Variants in GRM5 observed in about 807,000 individuals in gnomAD.
GRM5 encodes the protein glutamate metabotropic receptor 5, also known as metabotropic glutamate receptor 5.
Under a neutral mutation model 83.1 loss-of-function variants are expected in GRM5, and 19 were observed. The ratio of observed to expected loss-of-function variants is 0.23; its 90% CI spans 0.16 to 0.34. GRM5 has a LOEUF of 0.34. GRM5 is among the 10% of genes least tolerant of loss of function. The probability of loss-of-function intolerance (pLI) is 1.00; values close to 1 mark genes in which losing one functional copy is unlikely to be tolerated. For synonymous variants in GRM5, 675 were observed against 633.6 expected, an observed-to-expected ratio of 1.07 and a Z score of -0.98; for missense variants, 1,160 against 1,588.3, an observed-to-expected ratio of 0.73 and a Z score of 4.58.
chr11:88,817,070 A>AGGGGG (rs1943706140), intron 3 of GRM5, among the ~76,000 whole-genome samples: 1 of 152,134 alleles, frequency 6.6e-6, no homozygotes, highest in Non-Finnish European at 1.5e-5. Context: ...GTTTATTTTA[A>AGGGGG]TAATTTGAGA....
intron 4 of GRM5, among the ~76,000 whole-genome samples, chr11:88,635,418 G>T (rs1227891201): frequency 6.6e-6 from 1 of 152,084 alleles, no homozygotes; most frequent in East Asian, 1.9e-4. Context: ...TTCTCTAATG[G>T]TTAGCAGTGT....
chr11:88,668,617 C>A (rs1424381449), intron 3 of GRM5, among the ~76,000 whole-genome samples: 1 of 151,984 alleles, frequency 6.6e-6, no homozygotes, highest in East Asian at 1.9e-4. Context: ...ATTTGGTATA[C>A]CCCAGGAATG....
rs1380382630 is a variant in GRM5, at chr11:88,653,461, C to A, written c.912-58G>T. On this transcript the variant is annotated intron_variant, in intron 3 of 9. Transcript: ENST00000305447. ...ACAGATATCTCCTAAGCAAATGAGT[C>A]CATTTGCTTTCCTTTTGACAAGATT... The A allele has an allele frequency of 7.9e-6, 9 of 1,139,672 alleles. No homozygotes were observed. In the East Asian group the frequency reaches 2.1e-4, roughly 27 times the overall value. 70.6% of individuals were successfully genotyped at this position (1,139,672 alleles called of 1,614,324 possible).
chr11:88,872,318 A>C (rs1200448301), intron 2 of GRM5, among the ~76,000 whole-genome samples: 1 of 151,610 alleles, frequency 6.6e-6, no homozygotes, highest in East Asian at 1.9e-4. Flanking sequence ...AAAAATTATA[A>C]TACAAAGAAG....
intron 9 of GRM5, among the ~76,000 whole-genome samples, chr11:88,520,704 T>C (rs1419597905): frequency 6.6e-6 from 1 of 152,122 alleles, no homozygotes; most frequent in Non-Finnish European, 1.5e-5. Flanking sequence ...GAGCTTTACC[T>C]GAAGGAAGAA....
chr11:88,640,594 C>T (rs577586877), intron 4 of GRM5, among the ~76,000 whole-genome samples: 1 of 152,272 alleles, frequency 6.6e-6, no homozygotes, highest in Non-Finnish European at 1.5e-5. Context: ...TCCCTCTTCC[C>T]ACCAGTAATA....
chr11:88,527,315 G>T (rs1941903675), intron 8 of GRM5, among the ~76,000 whole-genome samples: 1 of 152,126 alleles, frequency 6.6e-6, no homozygotes, highest in South Asian at 2.1e-4. Context: ...TCATAGATGA[G>T]TTAAGAAACC....
chr11:88,520,006 A>G (rs984126994), intron 9 of GRM5, among the ~76,000 whole-genome samples: 6 of 152,316 alleles, frequency 3.9e-5, no homozygotes, highest in Admixed American at 2.0e-4. Flanking sequence ...TAGTGCCAGA[A>G]CCAGATATTG....
In GRM5 at chr11:88,530,434, TA is replaced by T. The variant is rs530180209; in HGVS notation, c.2631-5031del. On this transcript the variant is annotated intron_variant, in intron 8 of 9. Coordinates refer to ENST00000305447, the MANE Select transcript of GRM5 (RefSeq NM_001143831.3). ...TGAAATAAGTTTTGCTTATCTTCTGTAAAGATTTTTGTTGTTGTTGTTCTTC... is the reference window on the plus strand; with the variant it reads ...TGAAATAAGTTTTGCTTATCTTCTGTAAGATTTTTGTTGTTGTTGTTCTTC... 2.2e-3 allele frequency among the ~76,000 whole-genome samples: 339 copies of T among 152,172 alleles called. 2 individuals carry two copies. Among genetic ancestry groups the T allele is most frequent in the Admixed American group, 5.0e-3 (76 of 15,268 alleles).
intron 3 of GRM5, among the ~76,000 whole-genome samples, chr11:88,700,602 A>T (rs10082579): frequency 0.57 from 85,899 of 151,972 alleles, 27,014 homozygotes; most frequent in South Asian, 0.8. Flanking sequence ...CCATGTGAAG[A>T]TTTACTGTTC....
chr11:88,712,809 A>G (rs554194235), intron 3 of GRM5, among the ~76,000 whole-genome samples: 118 of 152,212 alleles, frequency 7.8e-4, no homozygotes, highest in African/African-American at 2.8e-3. Context: ...CAGCAATGAC[A>G]TTAGAATCAG....
chr11:88,876,063 C>G (rs868187508), intron 2 of GRM5, among the ~76,000 whole-genome samples: 17 of 152,102 alleles, frequency 1.1e-4, no homozygotes, highest in African/African-American at 2.9e-4. Flanking sequence ...GCACTCACCT[C>G]TCCTCTCTAG....
intron 9 of GRM5, 35 bp from the exon 10 acceptor site, chr11:88,509,539 G>A (rs372092089): frequency 6.5e-7 from 1 of 1,546,588 alleles, no homozygotes; most frequent in Admixed American, 1.7e-5. Flanking sequence ...GTGACTCAGC[G>A]AGGTGCCCAG....
At chr11:88,743,790 C>T (rs1443891420) in intron 3 of GRM5, among the ~76,000 whole-genome samples, 1 of 152,074 alleles carries the variant, frequency 6.6e-6, no homozygotes. Flanking sequence ...TAGTCACTAA[C>T]CAAAAATGGC....
At chr11:88,590,072 GA>G (rs1041534010) in intron 7 of GRM5, among the ~76,000 whole-genome samples, 6 of 151,522 alleles carry the variant, frequency 4.0e-5, no homozygotes, top group Admixed American at 1.3e-4. Flanking sequence ...AAACAAAAAA[GA>G]AAAAAAATAA....
intron 3 of GRM5, among the ~76,000 whole-genome samples, chr11:88,808,528 G>A (rs1035114011): frequency 6.6e-6 from 1 of 151,928 alleles, no homozygotes; most frequent in African/African-American, 2.4e-5. Flanking sequence ...GCATGGATTT[G>A]TGAAAAACCA....
intron 3 of GRM5, among the ~76,000 whole-genome samples, chr11:88,766,517 A>G (rs1188486266): frequency 1.3e-5 from 2 of 151,358 alleles, no homozygotes; most frequent in Non-Finnish European, 2.9e-5. Flanking sequence ...GAAGATTGAA[A>G]CTAGAACCCT....
chr11:88,909,242 T>C (rs1945453750), intron 2 of GRM5, among the ~76,000 whole-genome samples: 1 of 152,106 alleles, frequency 6.6e-6, no homozygotes, highest in Non-Finnish European at 1.5e-5. Flanking sequence ...TGGGTTTCTC[T>C]AGCCAAACAA....
At chr11:88,986,396 T>C (rs1939711280) in intron 2 of GRM5, among the ~76,000 whole-genome samples, 1 of 152,192 alleles carries the variant, frequency 6.6e-6, no homozygotes, top group Admixed American at 6.5e-5. Flanking sequence ...GGTTTCCTAG[T>C]GGTGATGGAA....
Sources: allele counts gnomAD v4.1 joint callset (sites outside exome capture counted in the v4.1 genomes callset), GRCh38; gene constraint gnomAD v4.1.1; transcripts MANE v1.5; gene names NCBI Gene and HGNC (gene_info 2026-07-23, HGNC 2026-07-21).